Variants in MAST1 observed in about 807,000 individuals in gnomAD.
The protein encoded by MAST1 is microtubule associated serine/threonine kinase 1, also known as microtubule-associated serine/threonine-protein kinase 1.
A neutral mutation model predicts 124.6 loss-of-function variants in MAST1; 40 were observed. The observed-to-expected ratio is 0.32, with a 90% CI of 0.25 to 0.42. The LOEUF is 0.42. Ranked by LOEUF, MAST1 falls within the 10% of genes least tolerant of loss-of-function variation. The pLI is 1.00. For missense variants in MAST1, 1,558 were observed against 2,181.9 expected (o/e 0.71, Z 5.70); for synonymous variants, 938 against 939.4 (o/e 1.00, Z 0.03).
Position 12,847,821 on chromosome 19 carries a change from C to T in MAST1, c.565-27C>T, listed in dbSNP as rs760694635. ...CGGCCGCAGCCTTCGGGCACAGCCC[C>T]GCGCCCCTCCTCCGTCCCTCCCGCA... On this transcript the variant is annotated intron_variant, in intron 6 of 25. Coordinates refer to ENST00000251472, the MANE Select transcript of MAST1 (RefSeq NM_014975.3). This position sits in a 1 kb window ranked among gnomAD's most constrained non-coding sequence, Gnocchi z 5.5. 3.1e-6 allele frequency: 5 copies of T among 1,592,440 alleles called. No homozygotes were observed. The highest frequency in any genetic ancestry group is 3.4e-6 in the Non-Finnish European group (4 of 1,168,080).
chr19:12,839,292 C>T (rs1969799141), intron 1 of MAST1, among the ~76,000 whole-genome samples: 1 of 152,104 alleles, frequency 6.6e-6, no homozygotes. Flanking sequence ...AGCCTTGCAG[C>T]TGCCACAGGT....
chr19:12,867,721 T>C lies in MAST1; in HGVS notation c.2319-9T>C, dbSNP rs1445649582. The C allele has an allele frequency of 6.5e-7, 1 of 1,531,000 alleles. No homozygotes were observed. The highest frequency in any genetic ancestry group is 1.2e-5 in the South Asian group (1 of 80,942). The allele number at this position is 1,531,000 out of a possible 1,614,324, so 94.8% of individuals were successfully genotyped here. A position where few individuals can be genotyped will look rare whatever the true frequency, so the allele number is the denominator to read the frequency against. Reference sequence around the variant, plus strand: ...GCGTGTCTTCCATAACCACGCCCCCTCCATGCAGCAAGCGATTCTCCGCGT... The same window carrying C: ...GCGTGTCTTCCATAACCACGCCCCCCCCATGCAGCAAGCGATTCTCCGCGT... On this transcript the variant is annotated splice_polypyrimidine_tract_variant and intron_variant, in intron 19 of 25. Transcript: ENST00000251472.
chr19:12,847,172 C>T lies in MAST1; in HGVS notation c.328-118C>T. 1.5e-6 allele frequency: 1 copy of T among 684,974 alleles called. No homozygotes were observed. Among genetic ancestry groups the T allele is most frequent in the African/African-American group, 1.8e-5 (1 of 55,810 alleles). The allele number at this position is 684,974 out of a possible 1,614,324, so 42.4% of individuals were successfully genotyped here. ...ATCCTAGGATCCAAGGATCGTAAATCAGGTCCTGATCCTGGCCTTGCCCAG... is the reference window on the plus strand; with the variant it reads ...ATCCTAGGATCCAAGGATCGTAAATTAGGTCCTGATCCTGGCCTTGCCCAG... On this transcript the variant is annotated intron_variant, in intron 4 of 25. Coordinates refer to ENST00000251472, the MANE Select transcript of MAST1 (RefSeq NM_014975.3). The surrounding 1 kb of genome is among the most constrained non-coding windows in gnomAD (Gnocchi z 5.5).
intron 11 of MAST1, 37 bp downstream of exon 11, chr19:12,858,478 G>A (rs769312025): frequency 4.3e-6 from 7 of 1,611,954 alleles, no homozygotes; most frequent in African/African-American, 1.3e-5. Context: ...GGAGGGTGGC[G>A]GAGGCCGGGT....
Position 12,852,375 on chromosome 19 carries a change from G to A in MAST1, c.1057G>A (p.Glu353Lys). Residue 353 changes from glutamate to lysine, a missense_variant, in exon 10 of 26, where the codon GAG (glutamate) becomes AAG (lysine). Transcript: ENST00000251472. The stretch of plus-strand genomic sequence containing the variant: ...GGACAGTGGTGGTTCCAACACCCCT[G>A]AGCAAGACGATCTCTCTGAGGTAAG... ...EQDSGGSNTP[E>K]QDDLSEGRSS... 6.2e-7 allele frequency: 1 copy of A among 1,614,002 alleles called. No individual in the cohort carries two copies. Among genetic ancestry groups the A allele is most frequent in the Non-Finnish European group, 8.5e-7 (1 of 1,179,972 alleles).
chr19:12,874,711 T>C lies in MAST1; in HGVS notation c.4554T>C (p.Ser1518=), dbSNP rs1970294205. ...CCTCCCTAGCCCCAGCGAAGTGCAG[T>C]GCACCCAGCAGTGCAGTGACCCCAG... ...QTPSLAPAKC[S]APSSAVTPVP... The change falls in exon 26 of 26, where the codon AGT becomes AGC. Residue 1518 remains serine, a synonymous_variant. Transcript: ENST00000251472. This position sits in a 1 kb window ranked among gnomAD's most constrained non-coding sequence, Gnocchi z 6.6. 1 of 1,587,130 alleles carries C rather than the reference T, an allele frequency of 6.3e-7. No homozygotes were observed. Among genetic ancestry groups the C allele is most frequent in the Non-Finnish European group, 8.6e-7 (1 of 1,161,626 alleles).
chr19:12,870,487 C>G (rs1280287089), intron 22 of MAST1, among the ~76,000 whole-genome samples: 1 of 125,670 alleles, frequency 8.0e-6, no homozygotes, highest in Non-Finnish European at 1.6e-5. Flanking sequence ...CGAGAGACTC[C>G]GTCTCAAAAA....
chr19:12,860,049 G>A (rs1005156919), intron 12 of MAST1, among the ~76,000 whole-genome samples: 1 of 150,860 alleles, frequency 6.6e-6, no homozygotes, highest in Non-Finnish European at 1.5e-5. Flanking sequence ...CTCACATCCC[G>A]CAATTTGTCT....
chr19:12,846,167 C>T lies in MAST1; in HGVS notation c.328-1123C>T, dbSNP rs976616252. ...CCGTGAGCCATGATTGTACTACATCCCTCTAGCCTGGGTGACACAAGGAGA... is the reference window on the plus strand; with the variant it reads ...CCGTGAGCCATGATTGTACTACATCTCTCTAGCCTGGGTGACACAAGGAGA... On this transcript the variant is annotated intron_variant, in intron 4 of 25. Coordinates refer to ENST00000251472, the MANE Select transcript of MAST1 (RefSeq NM_014975.3). Among the ~76,000 whole-genome samples, 59 of 152,100 alleles carry T rather than the reference C, an allele frequency of 3.9e-4. 1 individual carries two copies. Among genetic ancestry groups the T allele is most frequent in the African/African-American group, 1.4e-3 (59 of 41,410 alleles).
intron 22 of MAST1, 59 bp from the exon 23 acceptor site, chr19:12,870,765 G>C: frequency 6.6e-7 from 1 of 1,524,832 alleles, no homozygotes; most frequent in Non-Finnish European, 8.8e-7. Context: ...TATAAGTTTA[G>C]GAGCTTTCCT....
chr19:12,872,393 G>A (rs1462498642), intron 24 of MAST1, among the ~76,000 whole-genome samples: 1 of 152,146 alleles, frequency 6.6e-6, no homozygotes, highest in East Asian at 1.9e-4. Flanking sequence ...GGGTTGTAGT[G>A]GAAGAGGCGG....
Position 12,874,749 on chromosome 19 carries a change from C to A in MAST1, c.4592C>A (p.Ser1531Tyr). The A allele has an allele frequency of 6.2e-7, 1 of 1,602,914 alleles. No individual in the cohort carries two copies. ...GCAGTGACCCCAGTCCCACCCGCAT[C>A]CCTCTTGGGCTCAGGCACCAAGCCT... ...SSAVTPVPPA[S>Y]LLGSGTKPQV... Residue 1531 changes from serine to tyrosine, a missense_variant, in exon 26 of 26, where the codon TCC becomes TAC. Around this residue, in one of 10 missense-constraint regions of MAST1, gnomAD observed 168 missense variants for 154.3 expected, o/e 1.09. Coordinates refer to ENST00000251472, the MANE Select transcript of MAST1 (RefSeq NM_014975.3). This position sits in a 1 kb window ranked among gnomAD's most constrained non-coding sequence, Gnocchi z 6.6.
Position 12,867,926 on chromosome 19 carries a change from A to G in MAST1, c.2515A>G (p.Lys839Glu). 1 of 1,594,954 alleles carries G rather than the reference A, an allele frequency of 6.3e-7. No individual in the cohort carries two copies. Among genetic ancestry groups the G allele is most frequent in the Non-Finnish European group, 8.5e-7 (1 of 1,172,444 alleles). ...GGGATCCCTGGATGCACGGGCCCCCAAAGAGGAGACTCAAGGGGAAGGCAC... is the reference window on the plus strand; with the variant it reads ...GGGATCCCTGGATGCACGGGCCCCCGAAGAGGAGACTCAAGGGGAAGGCAC... ...PAGSLDARAPKEETQGEGTSS... is the reference protein window; with the variant it reads ...PAGSLDARAPEEETQGEGTSS... The change falls in exon 20 of 26, where the codon AAA becomes GAA. Residue 839 changes from lysine (K) to glutamate (E), a missense_variant. Lys to Glu is a moderately conservative substitution (Grantham distance 56). Transcript: ENST00000251472.
At chr19:12,867,706 C>T (rs1224392721) in intron 19 of MAST1, 24 bp from the exon 20 acceptor site, 4 of 1,533,960 alleles carry the variant, frequency 2.6e-6, no homozygotes, top group Non-Finnish European at 3.5e-6. Flanking sequence ...GCGTGTCTTC[C>T]ATAACCACGC....
At chr19:12,842,323 C>T (rs1044556587) in intron 3 of MAST1, among the ~76,000 whole-genome samples, 21 of 151,718 alleles carry the variant, frequency 1.4e-4, no homozygotes, top group African/African-American at 4.6e-4. Flanking sequence ...GACAGAGTCT[C>T]GCTCTGTTGC....
intron 12 of MAST1, among the ~76,000 whole-genome samples, chr19:12,862,069 A>G (rs938283592): frequency 7.1e-6 from 1 of 141,228 alleles, no homozygotes; most frequent in African/African-American, 2.7e-5. Flanking sequence ...CAATGGGGTG[A>G]TCTCGGATTA....
chr19:12,874,238 G>A lies in MAST1; in HGVS notation c.4081G>A (p.Glu1361Lys), dbSNP rs199566798. Residue 1361 changes from glutamate (E) to lysine (K), a missense_variant, in exon 26 of 26, where the codon GAA (glutamate) becomes AAA (lysine). By Grantham distance (56) the Glu-to-Lys change is moderately conservative. This residue lies in a region of MAST1 where 263 missense variants were observed against 310.9 expected (regional missense o/e 0.85). Transcript: ENST00000251472. The surrounding 1 kb of genome is among the most constrained non-coding windows in gnomAD (Gnocchi z 6.6). ...GCCACCAGTGTCGAGCAAGGAGAAG[G>A]AATCCCCGGGGGGCGCCGAGGCGTG... The part of the protein sequence containing the change: ...SRPPVSSKEK[E>K]SPGGAEACTP... The A allele has an allele frequency of 6.4e-6, 10 of 1,555,648 alleles. No individual in the cohort carries two copies. In the African/African-American group the frequency reaches 1.4e-4, roughly 21 times the overall value.
intron 10 of MAST1, among the ~76,000 whole-genome samples, chr19:12,853,260 C>T (rs1178036665): frequency 1.1e-4 from 16 of 151,572 alleles, no homozygotes; most frequent in South Asian, 2.1e-4. Flanking sequence ...CATGAGCCAC[C>T]GCGCCCGGCC....
rs1969853050 is a variant in MAST1, at chr19:12,843,265, T to C, written c.249-264T>C. Among the ~76,000 whole-genome samples the C allele has an allele frequency of 6.6e-6, 1 of 151,912 alleles. No individual in the cohort carries two copies. The highest frequency in any genetic ancestry group is 2.1e-4 in the South Asian group (1 of 4,796). On this transcript the variant is annotated intron_variant, in intron 3 of 25. Transcript: ENST00000251472. This position sits in a 1 kb window ranked among gnomAD's most constrained non-coding sequence, Gnocchi z 4.9. The stretch of plus-strand genomic sequence containing the variant: ...GAAAGGCTTCACTGGGTGGGGGCTT[T>C]TCCAGTTCTCGGTGTCCACTCTGAA...
Sources: allele counts gnomAD v4.1 joint callset (sites outside exome capture counted in the v4.1 genomes callset), GRCh38; gene constraint gnomAD v4.1.1; regional missense constraint gnomAD v4.1.1; non-coding constraint Gnocchi (gnomAD v3.1); transcripts MANE v1.5; gene names NCBI Gene and HGNC (gene_info 2026-07-23, HGNC 2026-07-21).